Variants in ATP8A2 observed in about 807,000 individuals in gnomAD.
The protein encoded by ATP8A2 is phospholipid-transporting ATPase IB.
In ATP8A2, 100 loss-of-function variants were observed where a neutral mutation model predicts 165.6. The ratio of observed to expected loss-of-function variants is 0.60; its 90% confidence interval spans 0.51 to 0.71. ATP8A2 has a LOEUF of 0.71. Among genes scored for constraint, ATP8A2 ranks in the 30% least tolerant of loss-of-function variants. The probability of loss-of-function intolerance (pLI) is 0.00; values close to 1 mark genes in which losing one functional copy is unlikely to be tolerated. For synonymous variants in ATP8A2, 543 were observed against 548.8 expected, an observed-to-expected ratio of 0.99 and a Z score of 0.15; for missense variants, 1,227 against 1,479.5, an observed-to-expected ratio of 0.83 and a Z score of 2.80.
rs1250155508 is a variant in ATP8A2 at position 26,022,293 on chromosome 13, A to C, written c.*2308A>C. 6.6e-6 allele frequency: 1 copy of C among 152,218 alleles called. No individual in the cohort carries two copies. Among genetic ancestry groups the C allele is most frequent in the African/African-American group, 2.4e-5 (1 of 41,458 alleles). The allele number at this position is 152,218 out of a possible 1,614,324, so 9.4% of individuals were successfully genotyped here. ...TTTGTCTCATTTGGGAACTAAGCCT[A>C]TTTGGAAAGAGTGGATTAGAAATTG... On this transcript the variant is annotated 3_prime_UTR_variant, in exon 37 of 37. Transcript: ENST00000381655.
chr13:25,606,132 G>C (rs1258951052), intron 24 of ATP8A2, among the ~76,000 whole-genome samples: 1 of 152,116 alleles, frequency 6.6e-6, no homozygotes, highest in Non-Finnish European at 1.5e-5. Context: ...TCTGAAATGA[G>C]GTTGCATTTA....
At chr13:25,936,303 C>T (rs1302060944) in intron 33 of ATP8A2, among the ~76,000 whole-genome samples, 1 of 152,200 alleles carries the variant, frequency 6.6e-6, no homozygotes, top group Non-Finnish European at 1.5e-5. Context: ...CGTTGGTCAG[C>T]ACTGGACACA....
chr13:25,979,290 C>T (rs1956131266), intron 35 of ATP8A2, among the ~76,000 whole-genome samples: 1 of 152,086 alleles, frequency 6.6e-6, no homozygotes, highest in Non-Finnish European at 1.5e-5. Flanking sequence ...TTTTTGGAAA[C>T]ATTTCTCTAT....
chr13:25,522,505 T>A (rs769360744), intron 2 of ATP8A2, among the ~76,000 whole-genome samples: 9 of 152,204 alleles, frequency 5.9e-5, no homozygotes, highest in Middle Eastern at 3.2e-3. Flanking sequence ...AGGAAAGGCT[T>A]TCAATTTTTC....
At chr13:25,480,608 A>C (rs1285010932) in intron 2 of ATP8A2, among the ~76,000 whole-genome samples, 4 of 140,460 alleles carry the variant, frequency 2.8e-5, no homozygotes, top group Non-Finnish European at 4.6e-5. Context: ...GGCGGCCGGG[A>C]AGAGGCGCTC....
chr13:25,480,416 G>A (rs1205042281), intron 2 of ATP8A2, among the ~76,000 whole-genome samples: 4 of 149,694 alleles, frequency 2.7e-5, no homozygotes, highest in African/African-American at 4.9e-5. Context: ...GTTGCCAGGC[G>A]GAGAGTCTCC....
rs2044131556 is a variant in ATP8A2, at chr13:25,750,534, G to T, written c.2385-18512G>T. ...TGCCCGGCTCCCATTCCGAAGGCCG[G>T]TGGTTTCAGCCCAGCTTTGGGAGCA... On this transcript the variant is annotated intron_variant, in intron 25 of 36. Transcript: ENST00000381655. This position sits in a 1 kb window ranked among gnomAD's most constrained non-coding sequence, Gnocchi z 4.3. 6.6e-6 allele frequency among the ~76,000 whole-genome samples: 1 copy of T among 152,146 alleles called. No individual in the cohort carries two copies. Among genetic ancestry groups the T allele is most frequent in the South Asian group, 2.1e-4 (1 of 4,820 alleles).
rs1168535603 is a variant in ATP8A2, at chr13:25,372,320, G to A, written c.76+32G>A. The A allele has an allele frequency of 2.8e-6, 4 of 1,422,764 alleles. No homozygotes were observed. Among genetic ancestry groups the A allele is most frequent in the Admixed American group, 2.7e-5 (1 of 37,028 alleles). 88.1% of individuals were successfully genotyped at this position (1,422,764 alleles called of 1,614,324 possible). A position where few individuals can be genotyped will look rare whatever the true frequency, so the allele number is the denominator to read the frequency against. The stretch of plus-strand genomic sequence containing the variant: ...TGGGAGGGGCGCGGCGAGGGAGGGT[G>A]GGCCCGGGGCGGGGGCGGCGCGGGG... On this transcript the variant is annotated intron_variant, in intron 1 of 36. Coordinates refer to ENST00000381655, the MANE Select transcript of ATP8A2 (RefSeq NM_016529.6). This position sits in a 1 kb window ranked among gnomAD's most constrained non-coding sequence, Gnocchi z 4.8.
At chr13:25,537,714 G>A (rs964748570) in intron 6 of ATP8A2, among the ~76,000 whole-genome samples, 1 of 152,124 alleles carries the variant, frequency 6.6e-6, no homozygotes, top group Non-Finnish European at 1.5e-5. Context: ...GTAAGAAAAC[G>A]AGATCTTTAT....
chr13:25,559,781 C>A lies in ATP8A2; in HGVS notation c.1397+16C>A. 2 of 1,573,084 alleles carry A rather than the reference C, an allele frequency of 1.3e-6. No homozygotes were observed. Among genetic ancestry groups the A allele is most frequent in the Non-Finnish European group, 1.7e-6 (2 of 1,143,736 alleles). ...ATGACTTCTGGTAAGTAGATTCTAG[C>A]ACTTCTTGACACTTTAGTGGAAAAG... On this transcript the variant is annotated intron_variant, in intron 15 of 36. Transcript: ENST00000381655.
At chr13:25,638,246 A>T in intron 24 of ATP8A2, among the ~76,000 whole-genome samples, 1 of 152,248 alleles carries the variant, frequency 6.6e-6, no homozygotes, top group Non-Finnish European at 1.5e-5. Flanking sequence ...AACGGAACAA[A>T]GCTGGATGGA....
At chr13:25,983,323 A>C (rs1956208901) in intron 35 of ATP8A2, among the ~76,000 whole-genome samples, 1 of 152,256 alleles carries the variant, frequency 6.6e-6, no homozygotes, top group South Asian at 2.1e-4. Context: ...ATCAGATAAT[A>C]GAGCTAGCAG....
At chr13:25,909,037 A>C (rs1368140714) in intron 33 of ATP8A2, among the ~76,000 whole-genome samples, 2 of 152,212 alleles carry the variant, frequency 1.3e-5, no homozygotes. Flanking sequence ...TTGAACTTCA[A>C]GGATTGTTAT....
rs9581388 is a variant in ATP8A2 at position 25,551,352 on chromosome 13, G to A, written c.906G>A (p.Ala302=). ...DTKLMQNSTK[A]PLKRSNVEKV... ...CTGTTGTGTAGAATTCAACCAAAGC[G>A]CCTCTCAAGAGATCAAATGTTGAGA... is the stretch of plus-strand genomic sequence containing the variant. Residue 302 remains alanine, a synonymous_variant, in exon 11 of 37, where the codon GCG becomes GCA. Transcript: ENST00000381655. 0.045 allele frequency: 72,909 copies of A among 1,613,252 alleles called. 2,441 individuals carry two copies. Among genetic ancestry groups the A allele is most frequent in the South Asian group, 0.13 (11,771 of 90,962 alleles).
rs1328367429 is a variant in ATP8A2, at chr13:26,021,117, C to G, written c.*1132C>G. On this transcript the variant is annotated 3_prime_UTR_variant, in exon 37 of 37. Transcript: ENST00000381655. The stretch of plus-strand genomic sequence containing the variant: ...AGGAACACACCTGTCGCTCTTAGCT[C>G]TAGAGTCAGAGGATGAGTAAACCCA... The G allele has an allele frequency of 6.6e-6, 1 of 152,200 alleles. No individual in the cohort carries two copies. Among genetic ancestry groups the G allele is most frequent in the Admixed American group, 6.5e-5 (1 of 15,278 alleles). 9.4% of individuals were successfully genotyped at this position (152,200 alleles called of 1,614,324 possible).
At position 25,442,487 on chromosome 13, in the gene ATP8A2, C is replaced by T. The variant is rs895764092; in HGVS notation, c.77-26490C>T. On this transcript the variant is annotated intron_variant, in intron 1 of 36. Coordinates refer to ENST00000381655, the MANE Select transcript of ATP8A2 (RefSeq NM_016529.6). ...GAAGTGCAGTGGTGCAATTATGGCT[C>T]GCTGTAGCCTCAAACTCCTGGGCTC... Among the ~76,000 whole-genome samples, 128 of 152,118 alleles carry T rather than the reference C, an allele frequency of 8.4e-4. 1 individual carries two copies. The highest frequency in any genetic ancestry group is 1.3e-3 in the Non-Finnish European group (86 of 68,014).
At chr13:25,889,009 A>G (rs936264817) in intron 33 of ATP8A2, among the ~76,000 whole-genome samples, 7 of 151,988 alleles carry the variant, frequency 4.6e-5, no homozygotes, top group African/African-American at 1.7e-4. Context: ...TTTTCCTACA[A>G]TCTGTCAACG....
chr13:25,476,667 T>G (rs1258526006), intron 2 of ATP8A2, among the ~76,000 whole-genome samples: 1 of 152,266 alleles, frequency 6.6e-6, no homozygotes, highest in Non-Finnish European at 1.5e-5. Context: ...TTGAGACTGC[T>G]GTCTTTATCA....
intron 27 of ATP8A2, among the ~76,000 whole-genome samples, chr13:25,790,038 A>G (rs1322924787): frequency 2.0e-5 from 3 of 152,210 alleles, no homozygotes; most frequent in African/African-American, 7.2e-5. Flanking sequence ...GAAGATTGAA[A>G]CTGTACCATT....
Sources: allele counts gnomAD v4.1 joint callset (sites outside exome capture counted in the v4.1 genomes callset), GRCh38; gene constraint gnomAD v4.1.1; non-coding constraint Gnocchi (gnomAD v3.1); transcripts MANE v1.5; gene names NCBI Gene and HGNC (gene_info 2026-07-23, HGNC 2026-07-21).